Variants in MYH8 observed in about 807,000 individuals in gnomAD.
MYH8 encodes the protein myosin-8.
A neutral mutation model predicts 233.2 loss-of-function variants in MYH8; 168 were observed. The observed-to-expected ratio is 0.72, with a 90% confidence interval of 0.64 to 0.82. MYH8 has a LOEUF of 0.82. Ranked by LOEUF, MYH8 falls within the 40% of genes least tolerant of loss-of-function variation. The pLI is 0.00. For missense variants in MYH8, 1,995 were observed against 2,327.8 expected, an observed-to-expected ratio of 0.86 and a Z score of 2.94; for synonymous variants, 785 against 850.6, an observed-to-expected ratio of 0.92 and a Z score of 1.34.
Position 10,401,669 on chromosome 17 carries a change from G to C in MYH8, c.2805C>G (p.Ile935Met). 1 of 1,613,998 alleles carries C rather than the reference G, an allele frequency of 6.2e-7. No homozygotes were observed. The highest frequency in any genetic ancestry group is 1.3e-5 in the African/African-American group (1 of 74,972). ...VTERAEEEEE[I>M]NAELTAKKRK... ...TCTTCTTGGCTGTCAGCTCAGCATTGATCTCTTCCTCCTCCTCAGCTCTTT... is the reference window on the plus strand; with the variant it reads ...TCTTCTTGGCTGTCAGCTCAGCATTCATCTCTTCCTCCTCCTCAGCTCTTT... The change falls in exon 23 of 40, where the codon ATC becomes ATG. Residue 935 changes from isoleucine to methionine, a missense_variant. Physicochemically the swap from Ile to Met is conservative, Grantham distance 10. Around this residue, in one of 3 missense-constraint regions of MYH8, gnomAD observed 1,498 missense variants for 1,680.9 expected, o/e 0.89. Transcript: ENST00000403437.
rs141215006 is a variant in MYH8 at position 10,392,944 on chromosome 17, G to A, written c.5350C>T (p.Arg1784Trp). Residue 1784 changes from arginine to tryptophan, a missense_variant, in exon 37 of 40, where the codon CGG (arginine) becomes TGG (tryptophan). By Grantham distance (101) the Arg-to-Trp change is moderately radical (BLOSUM62 -3). Transcript: ENST00000403437. ...GTCTGCTCCAGGTTCTTCTTCATCCGCTCCAGGTGGGCGCTGGTGTCCTGT... is the reference window on the plus strand; with the variant it reads ...GTCTGCTCCAGGTTCTTCTTCATCCACTCCAGGTGGGCGCTGGTGTCCTGT... ...KEQDTSAHLE[R>W]MKKNLEQTVK... 1.7e-5 allele frequency: 28 copies of A among 1,613,982 alleles called. No homozygotes were observed. The highest frequency in any genetic ancestry group is 2.7e-5 in the African/African-American group (2 of 74,878).
At chr17:10,395,039 A>T in intron 34 of MYH8, 94 bp downstream of exon 34, 1 of 1,375,924 alleles carries the variant, frequency 7.3e-7, no homozygotes, top group Admixed American at 1.7e-5. Flanking sequence ...ATAATTTGTT[A>T]AGAGAAAAAA....
At chr17:10,414,355 C>T (rs1473265739) in intron 10 of MYH8, 31 bp downstream of exon 10, 8 of 1,600,410 alleles carry the variant, frequency 5.0e-6, no homozygotes, top group East Asian at 4.5e-5. Flanking sequence ...AAAATATTAA[C>T]TTCTATCTAT....
intron 35 of MYH8, among the ~76,000 whole-genome samples, 170 bp downstream of exon 35, chr17:10,394,079 A>T (rs1459112441): frequency 1.3e-5 from 2 of 151,364 alleles, no homozygotes; most frequent in African/African-American, 4.9e-5. Context: ...AACAAAAAAA[A>T]ATCACCCATA....
Position 10,391,987 on chromosome 17 carries a change from T to A in MYH8, c.5569-10A>T. 1 of 1,610,610 alleles carries A rather than the reference T, an allele frequency of 6.2e-7. No individual in the cohort carries two copies. The highest frequency in any genetic ancestry group is 8.5e-7 in the Non-Finnish European group (1 of 1,176,812). ...TGCGATCTTCTTCAGTCTGAAAGTT[T>A]GAAAAAAATAATCTGCATTCATTCC... On this transcript the variant is annotated splice_polypyrimidine_tract_variant and intron_variant, in intron 38 of 39. Coordinates refer to ENST00000403437, the MANE Select transcript of MYH8 (RefSeq NM_002472.3).
chr17:10,396,228 C>A lies in MYH8; in HGVS notation c.4653+102G>T. 1 of 1,377,662 alleles carries A rather than the reference C, an allele frequency of 7.3e-7. No individual in the cohort carries two copies. Among genetic ancestry groups the A allele is most frequent in the Non-Finnish European group, 1.0e-6 (1 of 991,512 alleles). 85.3% of individuals were successfully genotyped at this position (1,377,662 alleles called of 1,614,324 possible). ...ATTTTGATAACTATTGCCAAGTTGT[C>A]CTTCATAAAGATCCTGTGAGTTTAA... On this transcript the variant is annotated intron_variant, in intron 33 of 39. Transcript: ENST00000403437. The surrounding 1 kb of genome is among the most constrained non-coding windows in gnomAD (Gnocchi z 4.2).
intron 30 of MYH8, among the ~76,000 whole-genome samples, 195 bp from the exon 31 acceptor site, chr17:10,397,181 A>C (rs2072087996): frequency 6.6e-6 from 1 of 152,086 alleles, no homozygotes; most frequent in Non-Finnish European, 1.5e-5. Flanking sequence ...GGTTCAAGCG[A>C]TTCTCCTGCC....
intron 38 of MYH8, 138 bp from the exon 39 acceptor site, chr17:10,392,115 T>A: frequency 1.3e-6 from 1 of 755,880 alleles, no homozygotes; most frequent in Non-Finnish European, 2.4e-6. Flanking sequence ...TTCATAGAAT[T>A]AACAGTAGCA....
At position 10,395,164 on chromosome 17, in the gene MYH8, C is replaced by T. The variant is rs1356659510; in HGVS notation, c.4931G>A (p.Arg1644Lys). The change falls in exon 34 of 40, where the codon AGG becomes AAG. Residue 1644 changes from arginine (R) to lysine (K), a missense_variant. Physicochemically the swap from Arg to Lys is conservative, Grantham distance 26 (BLOSUM62 2). Transcript: ENST00000403437. ...HANRLAAESL[R>K]NYRNTQGILK... The stretch of plus-strand genomic sequence containing the variant: ...GATTCCTTGGGTGTTCCTGTAGTTC[C>T]TTAAACTCTCTGCAGCTAAGCGATT... The T allele has an allele frequency of 6.2e-7, 1 of 1,613,818 alleles. No individual in the cohort carries two copies. Among genetic ancestry groups the T allele is most frequent in the Non-Finnish European group, 8.5e-7 (1 of 1,180,012 alleles).
At chr17:10,407,280 C>T (rs1257206463) in intron 17 of MYH8, among the ~76,000 whole-genome samples, 1 of 152,172 alleles carries the variant, frequency 6.6e-6, no homozygotes, top group African/African-American at 2.4e-5. Context: ...CCGAGAATCA[C>T]AAGACAAAAC....
Position 10,396,654 on chromosome 17 carries a change from T to C in MYH8, c.4427A>G (p.Glu1476Gly), listed in dbSNP as rs1319472947. The change falls in exon 32 of 40, where the codon GAG (glutamate) becomes GGG (glycine). Residue 1476 changes from glutamate to glycine, a missense_variant. Coordinates refer to ENST00000403437, the MANE Select transcript of MYH8 (RefSeq NM_002472.3). The surrounding 1 kb of genome is among the most constrained non-coding windows in gnomAD (Gnocchi z 4.2). ...TQAELEASQK[E>G]SRSLSTELFK... ...CAGCTCAGTGCTAAGAGAACGTGAC[T>C]CCTTCTGGGAGGCCTCAAGTTCAGC... The C allele has an allele frequency of 6.2e-7, 1 of 1,614,090 alleles. No individual in the cohort carries two copies. The highest frequency in any genetic ancestry group is 1.3e-5 in the African/African-American group (1 of 74,930).
rs780844078 is a variant in MYH8, at chr17:10,394,271, C to T, written c.5144G>A (p.Arg1715His). 5.6e-6 allele frequency: 9 copies of T among 1,613,958 alleles called. No homozygotes were observed. The highest frequency in any genetic ancestry group is 3.3e-5 in the Admixed American group (2 of 60,012). The change falls in exon 35 of 40, where the codon CGT becomes CAT. Residue 1715 changes from arginine to histidine, a missense_variant. By Grantham distance (29) the Arg-to-His change is conservative. This residue lies in a region of MYH8 where 1,498 missense variants were observed against 1,680.9 expected (regional missense o/e 0.89). Coordinates refer to ENST00000403437, the MANE Select transcript of MYH8 (RefSeq NM_002472.3). Reference protein sequence around the residue: ...AEQELLDASERVQLLHTQNTS... With the variant: ...AEQELLDASEHVQLLHTQNTS... The stretch of plus-strand genomic sequence containing the variant: ...CACCTGGGTGTGGAGGAGCTGGACA[C>T]GCTCACTGGCATCCAGGAGCTCCTG...
At chr17:10,390,699 C>A in intron 39 of MYH8, 96 bp from the exon 40 acceptor site, 1 of 1,389,492 alleles carries the variant, frequency 7.2e-7, no homozygotes, top group South Asian at 1.2e-5. Flanking sequence ...GTATTTCCTT[C>A]TTATGGTCTA....
chr17:10,405,435 G>A (rs935951314), intron 21 of MYH8, among the ~76,000 whole-genome samples: 1 of 152,132 alleles, frequency 6.6e-6, no homozygotes, highest in African/African-American at 2.4e-5. Flanking sequence ...CTCTATGAAA[G>A]CAGATACCTT....
rs755630877 is a variant in MYH8, at chr17:10,394,350, C to G, written c.5065G>C (p.Glu1689Gln). The G allele has an allele frequency of 4.3e-6, 7 of 1,613,966 alleles. No homozygotes were observed. The highest frequency in any genetic ancestry group is 5.9e-6 in the Non-Finnish European group (7 of 1,180,010). Residue 1689 changes from glutamate to glutamine, a missense_variant, in exon 35 of 40, where the codon GAG becomes CAG. Physicochemically the swap from Glu to Gln is conservative, Grantham distance 29. Around this residue, in one of 3 missense-constraint regions of MYH8, gnomAD observed 1,498 missense variants for 1,680.9 expected, o/e 0.89. Coordinates refer to ENST00000403437, the MANE Select transcript of MYH8 (RefSeq NM_002472.3). ...RRANLLQAEI[E>Q]ELWATLEQTE... ...TGTTCCAGAGTGGCCCACAGCTCCTCGATCTCAGCCTGCAGCAGGTTGGCT... is the reference window on the plus strand; with the variant it reads ...TGTTCCAGAGTGGCCCACAGCTCCTGGATCTCAGCCTGCAGCAGGTTGGCT...
At position 10,396,103 on chromosome 17, in the gene MYH8, T is replaced by C. The variant is rs1314118801; in HGVS notation, c.4653+227A>G. Among the ~76,000 whole-genome samples the C allele has an allele frequency of 6.6e-6, 1 of 152,230 alleles. No individual in the cohort carries two copies. Among genetic ancestry groups the C allele is most frequent in the Non-Finnish European group, 1.5e-5 (1 of 68,024 alleles). On this transcript the variant is annotated intron_variant, in intron 33 of 39. Transcript: ENST00000403437. The surrounding 1 kb of genome is among the most constrained non-coding windows in gnomAD (Gnocchi z 4.2). ...TGATTTGCTTACTTTTGTTCTTAGA[T>C]TGCACATCTTTGCCTTAAAGCTTTA...
Position 10,396,581 on chromosome 17 carries a change from C to A in MYH8, c.4500G>T (p.Thr1500=). ...VYEESLDQLE[T]LRRENKNLQQ... ...GCAAGTTCTTATTTTCTCTTCTTAG[C>A]GTTTCGAGTTGATCCAGGGATTCCT... Residue 1500 remains threonine (T), a synonymous_variant, in exon 32 of 40, where the codon ACG becomes ACT. Transcript: ENST00000403437. The surrounding 1 kb of genome is among the most constrained non-coding windows in gnomAD (Gnocchi z 4.2). The A allele has an allele frequency of 6.2e-7, 1 of 1,614,104 alleles. No individual in the cohort carries two copies. Among genetic ancestry groups the A allele is most frequent in the Non-Finnish European group, 8.5e-7 (1 of 1,179,996 alleles).
Position 10,412,332 on chromosome 17 carries a change from C to A in MYH8, c.1416+38G>T, listed in dbSNP as rs577672524. On this transcript the variant is annotated intron_variant, in intron 14 of 39. Coordinates refer to ENST00000403437, the MANE Select transcript of MYH8 (RefSeq NM_002472.3). ...ATAATACCTAATATATCAAAGCCCA[C>A]AATTGCCTCCTTCTTAATTCTTGTT... is the stretch of plus-strand genomic sequence containing the variant. 9.9e-6 allele frequency: 16 copies of A among 1,614,012 alleles called. No individual in the cohort carries two copies. The South Asian group carries it at 1.5e-4, about 16-fold the overall frequency.
intron 5 of MYH8, among the ~76,000 whole-genome samples, chr17:10,416,157 C>T (rs1007825955): frequency 1.3e-5 from 2 of 152,154 alleles, no homozygotes; most frequent in Non-Finnish European, 2.9e-5. Flanking sequence ...CTTTCTGCCT[C>T]TGTGAATTTG....
Sources: allele counts gnomAD v4.1 joint callset (sites outside exome capture counted in the v4.1 genomes callset), GRCh38; gene constraint gnomAD v4.1.1; regional missense constraint gnomAD v4.1.1; non-coding constraint Gnocchi (gnomAD v3.1); transcripts MANE v1.5; gene names NCBI Gene and HGNC (gene_info 2026-07-23, HGNC 2026-07-21).